SCAF11: variants seen among roughly 807,000 people sequenced by gnomAD.
The protein encoded by SCAF11 is protein SCAF11.
Under a neutral mutation model 140.5 loss-of-function variants are expected in SCAF11, and 47 were observed. That is an observed-to-expected ratio of 0.33 (90% CI 0.26 to 0.43). The LOEUF (loss-of-function observed/expected upper bound fraction) is 0.43. Among genes scored for constraint, SCAF11 ranks in the 20% least tolerant of loss-of-function variants. The pLI, the probability that SCAF11 is intolerant of heterozygous loss-of-function variation, is 1.00. For synonymous variants in SCAF11, 557 were observed against 579.4 expected (o/e 0.96, Z 0.55); for missense variants, 1,645 against 1,705.1 (o/e 0.96, Z 0.62).
chr12:45,945,032 C>A (rs1945386992), intron 6 of SCAF11: 3 of 523,150 alleles, frequency 5.7e-6, no homozygotes, highest in South Asian at 5.2e-5. Context: ...CACACGCACA[C>A]ACACACCCCT....
rs546057221 is a variant in SCAF11 at position 45,984,249 on chromosome 12, ATAGAT to A, written c.-22+6099_-22+6103del. On this transcript the variant is annotated intron_variant, in intron 1 of 14. Coordinates refer to ENST00000369367, the MANE Select transcript of SCAF11 (RefSeq NM_004719.3). ...ACCTTGTTTGTACTCCTTAAAGCTT[ATAGAT>A]TAGTTCTGTTGCAAAATGTCTTCCA... is the stretch of plus-strand genomic sequence containing the variant. Among the ~76,000 whole-genome samples, 114 of 152,304 alleles carry A rather than the reference ATAGAT, an allele frequency of 7.5e-4. 1 individual carries two copies. The highest frequency in any genetic ancestry group is 2.6e-3 in the African/African-American group (110 of 41,558).
chr12:45,990,221 G>T, intron 1 of SCAF11, 132 bp downstream of exon 1: 1 of 1,187,690 alleles, frequency 8.4e-7, no homozygotes, highest in Non-Finnish European at 1.1e-6. Flanking sequence ...CACGGGCCGC[G>T]CGAGATTCCG....
At chr12:45,954,667 C>T (rs1372086154) in intron 3 of SCAF11, 1 of 148,742 alleles carries the variant, frequency 6.7e-6, no homozygotes, top group African/African-American at 2.5e-5. Context: ...ACTCCTGGGG[C>T]TCAAGCAATT....
At chr12:45,941,014 A>C (rs1401629905) in intron 6 of SCAF11, among the ~76,000 whole-genome samples, 1 of 152,098 alleles carries the variant, frequency 6.6e-6, no homozygotes, top group African/African-American at 2.4e-5. Context: ...ACGTTGCCTC[A>C]ATCTTATTTC....
chr12:45,940,932 G>A (rs1002836160), intron 6 of SCAF11, among the ~76,000 whole-genome samples: 3 of 152,118 alleles, frequency 2.0e-5, no homozygotes, highest in Non-Finnish European at 4.4e-5. Context: ...AGCCTCCCGA[G>A]TAGCTGGGAC....
intron 1 of SCAF11, chr12:45,974,247 T>C: frequency 2.1e-6 from 1 of 470,432 alleles, no homozygotes. Context: ...TCATAATCTT[T>C]TTGATGGTGG....
rs773654165 is a variant in SCAF11 at position 45,928,003 on chromosome 12, A to G, written c.1698T>C (p.Cys566=). Residue 566 remains cysteine, a synonymous_variant, in exon 11 of 15, where the codon TGT becomes TGC. Transcript: ENST00000369367. ...CATTCTCAGATAAGTCACTTAGGGG[A>G]CAAGATACAGGTTGGTACACTTTGC... The part of the protein sequence containing the change: ...SESKVYQPVS[C]PLSDLSENVE... The G allele has an allele frequency of 3.1e-6, 5 of 1,613,118 alleles. No homozygotes were observed. Among genetic ancestry groups the G allele is most frequent in the Non-Finnish European group, 4.2e-6 (5 of 1,179,992 alleles).
intron 6 of SCAF11, among the ~76,000 whole-genome samples, chr12:45,939,720 CAAAT>C (rs1391868112): frequency 6.6e-6 from 1 of 152,150 alleles, no homozygotes; most frequent in Non-Finnish European, 1.5e-5. Flanking sequence ...CTCAAATAAA[CAAAT>C]AAATAAATAA....
In SCAF11 at chr12:45,928,171, C is replaced by A; in HGVS notation, c.1530G>T (p.Glu510Asp). 6.2e-7 allele frequency: 1 copy of A among 1,613,962 alleles called. No homozygotes were observed. Among genetic ancestry groups the A allele is most frequent in the Non-Finnish European group, 8.5e-7 (1 of 1,180,000 alleles). The change falls in exon 11 of 15, where the codon GAG becomes GAT. Residue 510 changes from glutamate (E) to aspartate (D), a missense_variant. Physicochemically the swap from Glu to Asp is conservative, Grantham distance 45 (BLOSUM62 2). Coordinates refer to ENST00000369367, the MANE Select transcript of SCAF11 (RefSeq NM_004719.3). ...CTTTTTCAAGAATATTTTCAGAAAT[C>A]TCACTTTCCAAACACAAAACATTAG... ...IEANVLCLESEISENILEKGG... is the reference protein window; with the variant it reads ...IEANVLCLESDISENILEKGG...
chr12:45,969,129 T>C (rs1475243848), intron 1 of SCAF11, among the ~76,000 whole-genome samples: 1 of 152,216 alleles, frequency 6.6e-6, no homozygotes, highest in Non-Finnish European at 1.5e-5. Flanking sequence ...TTTAAAAATA[T>C]ATTTAATAGC....
At chr12:45,934,398 C>A (rs1401517185) in intron 7 of SCAF11, 49 bp downstream of exon 7, 2 of 1,451,362 alleles carry the variant, frequency 1.4e-6, no homozygotes, top group Non-Finnish European at 1.9e-6. Context: ...ACTAAATAAC[C>A]CTAAAGTGTT....
chr12:45,953,319 T>C (rs1297576446), intron 3 of SCAF11, among the ~76,000 whole-genome samples: 1 of 152,230 alleles, frequency 6.6e-6, no homozygotes, highest in African/African-American at 2.4e-5. Context: ...CCCAGTGGCA[T>C]ACCCTGTATG....
chr12:45,949,534 G>A (rs959544418), intron 4 of SCAF11, among the ~76,000 whole-genome samples: 8 of 152,062 alleles, frequency 5.3e-5, no homozygotes, highest in African/African-American at 1.9e-4. Context: ...GACAGCACTA[G>A]TTAGATGAAA....
rs749470820 is a variant in SCAF11 at position 45,922,427 on chromosome 12, A to T, written c.4245+36T>A. ...TTTATTAAAACAGAGGTGGTTCAAA[A>T]CAACGTGCACATACTCCACTAAAGC... On this transcript the variant is annotated intron_variant, in intron 14 of 14. Transcript: ENST00000369367. 6 of 1,582,324 alleles carry T rather than the reference A, an allele frequency of 3.8e-6. No homozygotes were observed. In the South Asian group the frequency reaches 7.2e-5, roughly 19 times the overall value.
intron 1 of SCAF11, chr12:45,974,281 G>C: frequency 2.1e-6 from 1 of 465,978 alleles, no homozygotes; most frequent in Non-Finnish European, 4.4e-6. Flanking sequence ...GATGTTGATG[G>C]TTGCTGACTA....
chr12:45,969,223 A>T (rs1946019135), intron 1 of SCAF11, among the ~76,000 whole-genome samples: 1 of 152,262 alleles, frequency 6.6e-6, no homozygotes, highest in Non-Finnish European at 1.5e-5. Flanking sequence ...CCATTTTAAC[A>T]GTTGCTGGGT....
intron 5 of SCAF11, 130 bp downstream of exon 5, chr12:45,948,307 T>C: frequency 1.6e-6 from 1 of 618,134 alleles, no homozygotes; most frequent in East Asian, 3.1e-5. Context: ...CTCCTTAAAT[T>C]ATCAAGTGTG....
chr12:45,988,161 T>C (rs1946503787), intron 1 of SCAF11, among the ~76,000 whole-genome samples: 2 of 152,188 alleles, frequency 1.3e-5, no homozygotes, highest in East Asian at 1.9e-4. Context: ...TTTATTTCAC[T>C]GGGCAAGGTA....
At chr12:45,969,707 A>C (rs971090668) in intron 1 of SCAF11, among the ~76,000 whole-genome samples, 24 of 152,240 alleles carry the variant, frequency 1.6e-4, no homozygotes, top group African/African-American at 5.8e-4. Flanking sequence ...ATAACAACTA[A>C]ATTGATCAAG....
Sources: gnomAD v4.1 joint callset for allele counts (sites outside exome capture counted in the v4.1 genomes callset) on GRCh38, gnomAD v4.1.1 for gene constraint, MANE v1.5 for transcripts, NCBI Gene and HGNC (gene_info 2026-07-23, HGNC 2026-07-21) for gene names.